Variants in ZNF23 observed in about 807,000 individuals in gnomAD.
The protein encoded by ZNF23 is kruppel-like zinc finger factor X31.
A neutral mutation model predicts 56.2 loss-of-function variants in ZNF23; 48 were observed. That is an observed-to-expected ratio of 0.85 (90% CI 0.68 to 1.09). ZNF23 has a LOEUF of 1.09. Ranked by LOEUF, ZNF23 falls within the 50% of genes least tolerant of loss-of-function variation. The pLI is 0.00. For synonymous variants in ZNF23, 266 were observed against 283.3 expected (o/e 0.94, Z 0.61); for missense variants, 805 against 811.4 (o/e 0.99, Z 0.10).
In ZNF23 at chr16:71,447,974, T is replaced by A; in HGVS notation, c.*119A>T. 1.4e-6 allele frequency: 1 copy of A among 716,834 alleles called. No homozygotes were observed. The highest frequency in any genetic ancestry group is 2.2e-6 in the Non-Finnish European group (1 of 463,984). The allele number at this position is 716,834 out of a possible 1,614,324, so 44.4% of individuals were successfully genotyped here. On this transcript the variant is annotated 3_prime_UTR_variant, in exon 5 of 5. Coordinates refer to ENST00000647773, the MANE Select transcript of ZNF23 (RefSeq NM_001381984.1). Reference sequence around the variant, plus strand: ...TTTAAACTGAATAGAATAAAAACTGTTTCCATATGAAGACTCTGCCATATT... The same window carrying A: ...TTTAAACTGAATAGAATAAAAACTGATTCCATATGAAGACTCTGCCATATT...
At chr16:71,461,831 T>G (rs1227020997) in intron 1 of ZNF23, 1 of 152,288 alleles carries the variant, frequency 6.6e-6, no homozygotes, top group Non-Finnish European at 1.5e-5. Context: ...TTAATGTTCC[T>G]GCCAGACCTC....
In ZNF23 at chr16:71,449,655, G is replaced by A; in HGVS notation, c.499C>T (p.Gln167Ter). The change falls in exon 5 of 5, where the codon CAA becomes TAA. Residue 167 changes from glutamine (Q) to a stop codon, truncating the protein, a stop_gained. Transcript: ENST00000647773. LOFTEE classifies it high-confidence loss of function. ...TGACACTGATATGAGTTTGAACTTT[G>A]ACTAAAAAAACACTCCTCCACGGGG... ...TSPVEECFFS[Q>*]SSNSYQCHTI... is the part of the protein sequence containing the mutation. The A allele has an allele frequency of 6.2e-7, 1 of 1,613,638 alleles. No individual in the cohort carries two copies.
chr16:71,459,911 T>A (rs1442124451), intron 1 of ZNF23, among the ~76,000 whole-genome samples: 1 of 152,192 alleles, frequency 6.6e-6, no homozygotes, highest in African/African-American at 2.4e-5. Flanking sequence ...GATGGGAGAA[T>A]ATACAACTCC....
Position 71,449,683 on chromosome 16 carries a change from T to G in ZNF23, c.471A>C (p.Thr157=). Residue 157 remains threonine (T), a synonymous_variant, in exon 5 of 5, where the codon ACA becomes ACC. Transcript: ENST00000647773. ...TAAAAAAACACTCCTCCACGGGGCT[T>G]GTCTCATCTTTCACTGTTCCATCAA... ...NTIDGTVKDE[T]SPVEECFFSQ... 1 of 1,613,798 alleles carries G rather than the reference T, an allele frequency of 6.2e-7. No individual in the cohort carries two copies.
Position 71,448,313 on chromosome 16 carries a change from A to T in ZNF23, c.1841T>A (p.Val614Asp). 1 of 1,613,766 alleles carries T rather than the reference A, an allele frequency of 6.2e-7. No homozygotes were observed. The highest frequency in any genetic ancestry group is 1.1e-5 in the South Asian group (1 of 91,052). Reference protein sequence around the residue: ...QCKECGKAFHVNAHLIRHQRS... With the variant: ...QCKECGKAFHDNAHLIRHQRS... ...CTGATGCCGAATTAAATGGGCATTA[A>T]CATGGAAGGCTTTTCCACACTCCTT... The change falls in exon 5 of 5, where the codon GTT becomes GAT. Residue 614 changes from valine to aspartate, a missense_variant. By Grantham distance (152) the Val-to-Asp change is radical (BLOSUM62 -3). Coordinates refer to ENST00000647773, the MANE Select transcript of ZNF23 (RefSeq NM_001381984.1).
chr16:71,448,615 G>A lies in ZNF23; in HGVS notation c.1539C>T (p.His513=), dbSNP rs759923199. ...TACATTCAAAAGGTTTCTCCCCAGT[G>A]TGAATTCTCTGATGCCGCATTAGTT... ...NGKLMRHQRI[H]TGEKPFECNE... Residue 513 remains histidine, a synonymous_variant, in exon 5 of 5, where the codon CAC becomes CAT. Transcript: ENST00000647773. 12 of 1,614,170 alleles carry A rather than the reference G, an allele frequency of 7.4e-6. No individual in the cohort carries two copies. The highest frequency in any genetic ancestry group is 6.8e-6 in the Non-Finnish European group (8 of 1,180,032).
chr16:71,454,236 C>G (rs1488201125), intron 2 of ZNF23, 68 bp from the exon 3 acceptor site: 4 of 1,559,394 alleles, frequency 2.6e-6, no homozygotes, highest in Non-Finnish European at 2.6e-6. Context: ...AGGGGCAGAG[C>G]GCAGTATAAG....
chr16:71,453,051 C>T (rs2043108004), intron 4 of ZNF23, among the ~76,000 whole-genome samples, 192 bp downstream of exon 4: 1 of 152,206 alleles, frequency 6.6e-6, no homozygotes, highest in African/African-American at 2.4e-5. Flanking sequence ...AAGATCTGTT[C>T]TTGGAATTAG....
chr16:71,458,624 A>G (rs1190607962), intron 1 of ZNF23, among the ~76,000 whole-genome samples: 1 of 152,188 alleles, frequency 6.6e-6, no homozygotes, highest in Non-Finnish European at 1.5e-5. Context: ...CTAAGGTTAA[A>G]TGAGGTCCAA....
Position 71,448,850 on chromosome 16 carries a change from T to C in ZNF23, c.1304A>G (p.Tyr435Cys), listed in dbSNP as rs1376749099. The C allele has an allele frequency of 1.9e-6, 3 of 1,614,118 alleles. No individual in the cohort carries two copies. The highest frequency in any genetic ancestry group is 1.6e-4 in the Middle Eastern group (1 of 6,084). Reference sequence around the variant, plus strand: ...GGCTTTTCCACATTCAGTGCATTCATAGGGTTTCTCACCTGTGTGGATTCT... The same window carrying C: ...GGCTTTTCCACATTCAGTGCATTCACAGGGTTTCTCACCTGTGTGGATTCT... Reference protein sequence around the residue: ...HQRIHTGEKPYECTECGKAFS... With the variant: ...HQRIHTGEKPCECTECGKAFS... The change falls in exon 5 of 5, where the codon TAT (tyrosine) becomes TGT (cysteine). Residue 435 changes from tyrosine (Y) to cysteine (C), a missense_variant. Coordinates refer to ENST00000647773, the MANE Select transcript of ZNF23 (RefSeq NM_001381984.1).
chr16:71,451,995 C>T (rs970516729), intron 4 of ZNF23: 1 of 152,290 alleles, frequency 6.6e-6, no homozygotes, highest in Admixed American at 6.5e-5. Context: ...CCATGGGCCT[C>T]ATGCCCTTTG....
chr16:71,452,743 A>AC (rs2043099842), intron 4 of ZNF23: 1 of 154,052 alleles, frequency 6.5e-6, no homozygotes, highest in Non-Finnish European at 1.4e-5. Flanking sequence ...TAGTACTATT[A>AC]CCTCCTTTTA....
intron 1 of ZNF23, among the ~76,000 whole-genome samples, chr16:71,457,322 T>C (rs1312065067): frequency 6.6e-6 from 1 of 152,078 alleles, no homozygotes; most frequent in Non-Finnish European, 1.5e-5. Context: ...CCCAGCACTT[T>C]GGGAGGCCAG....
intron 4 of ZNF23, 102 bp from the exon 5 acceptor site, chr16:71,449,987 A>G (rs2042998405): frequency 3.3e-6 from 3 of 918,088 alleles, no homozygotes; most frequent in Admixed American, 3.3e-5. Flanking sequence ...GCTCCTTAAA[A>G]TCACCAGACT....
At chr16:71,452,437 T>C (rs1014519079) in intron 4 of ZNF23, 3 of 152,246 alleles carry the variant, frequency 2.0e-5, no homozygotes, top group Non-Finnish European at 1.5e-5. Flanking sequence ...CTGGCACCAA[T>C]TGGAGCCCTG....
In ZNF23 at chr16:71,449,808, C is replaced by A; in HGVS notation, c.346G>T (p.Asp116Tyr). 1.2e-6 allele frequency: 2 copies of A among 1,613,844 alleles called. No individual in the cohort carries two copies. The highest frequency in any genetic ancestry group is 2.7e-5 in the African/African-American group (2 of 75,038). ...KENVSFELQR[D>Y]FSQETDFSEA... is the part of the protein sequence containing the mutation. ...GAAAAGTCTGTTTCCTGGGAAAAGT[C>A]TCTTTGAAGTTCAAATGATACATTC... The change falls in exon 5 of 5, where the codon GAC becomes TAC. Residue 116 changes from aspartate (D) to tyrosine (Y), a missense_variant. Transcript: ENST00000647773.
intron 4 of ZNF23, 70 bp downstream of exon 4, chr16:71,453,173 T>A (rs2043110500): frequency 8.8e-7 from 1 of 1,130,026 alleles, no homozygotes; most frequent in Non-Finnish European, 1.3e-6. Flanking sequence ...TATGTTTATA[T>A]GTTGCTAAAG....
At chr16:71,457,166 G>A (rs1473539333) in intron 1 of ZNF23, among the ~76,000 whole-genome samples, 7 of 152,020 alleles carry the variant, frequency 4.6e-5, no homozygotes, top group South Asian at 2.1e-4. Flanking sequence ...ACGGTGGCTC[G>A]TGCCTATAAT....
chr16:71,447,924 T>C lies in ZNF23; in HGVS notation c.*169A>G. ...AAACAAAGCTATTTTTGGATGTTTCTCTTTAACTGGTCATCCTTTCCTGAT... is the reference window on the plus strand; with the variant it reads ...AAACAAAGCTATTTTTGGATGTTTCCCTTTAACTGGTCATCCTTTCCTGAT... On this transcript the variant is annotated 3_prime_UTR_variant, in exon 5 of 5. Transcript: ENST00000647773. 1 of 488,260 alleles carries C rather than the reference T, an allele frequency of 2.0e-6. No homozygotes were observed. Among genetic ancestry groups the C allele is most frequent in the Non-Finnish European group, 3.5e-6 (1 of 287,296 alleles). 30.2% of individuals were successfully genotyped at this position (488,260 alleles called of 1,614,324 possible).
Sources: allele counts gnomAD v4.1 joint callset (sites outside exome capture counted in the v4.1 genomes callset), GRCh38; gene constraint gnomAD v4.1.1; transcripts MANE v1.5; gene names NCBI Gene and HGNC (gene_info 2026-07-23, HGNC 2026-07-21).